The following MGA variants were observed in gnomAD, a reference collection of about 807,000 sequenced individuals.
The protein encoded by MGA is MAX dimerization protein MGA, also known as MAX gene-associated protein.
Under a neutral mutation model 261.1 loss-of-function variants are expected in MGA, and 40 were observed. That is an observed-to-expected ratio of 0.15 (90% CI 0.12 to 0.20). The LOEUF is 0.20. MGA is among the 10% of genes least tolerant of loss of function. The pLI is 1.00. For missense variants in MGA, 3,397 were observed against 3,630.5 expected (o/e 0.94, Z 1.65); for synonymous variants, 1,302 against 1,290.6 (o/e 1.01, Z -0.19).
At chr15:41,754,605 T>C in intron 18 of MGA, 38 bp downstream of exon 18, 1 of 1,504,252 alleles carries the variant, frequency 6.6e-7, no homozygotes, top group Non-Finnish European at 8.9e-7. Flanking sequence ...GTTTTTGTAG[T>C]TTTGTAACCA....
intron 1 of MGA, among the ~76,000 whole-genome samples, chr15:41,633,661 G>A (rs1032666425): frequency 1.3e-5 from 2 of 151,932 alleles, no homozygotes; most frequent in Non-Finnish European, 2.9e-5. Context: ...GAAATCAAGT[G>A]ATCCACCCAC....
intron 19 of MGA, 57 bp downstream of exon 19, chr15:41,757,896 C>A: frequency 6.9e-7 from 1 of 1,450,732 alleles, no homozygotes; most frequent in Non-Finnish European, 9.6e-7. Flanking sequence ...TAACATTTAT[C>A]TTAGGGTTGA....
intron 1 of MGA, among the ~76,000 whole-genome samples, chr15:41,662,951 T>C (rs567601755): frequency 6.6e-5 from 10 of 152,354 alleles, no homozygotes; most frequent in African/African-American, 2.2e-4. Flanking sequence ...TTTTAAATAA[T>C]GGTATTGACT....
At chr15:41,692,758 C>G (rs2059351141) in intron 2 of MGA, among the ~76,000 whole-genome samples, 1 of 152,170 alleles carries the variant, frequency 6.6e-6, no homozygotes, top group Non-Finnish European at 1.5e-5. Flanking sequence ...GTCACCCAGG[C>G]TGGAGTGCAG....
At chr15:41,638,069 G>A (rs1353552002) in intron 1 of MGA, among the ~76,000 whole-genome samples, 2 of 98,780 alleles carry the variant, frequency 2.0e-5, no homozygotes, top group African/African-American at 8.2e-5. Flanking sequence ...TTGGGACACA[G>A]TCTTGCTCTG....
Position 41,742,914 on chromosome 15 carries a change from A to G in MGA, c.4954A>G (p.Thr1652Ala), listed in dbSNP as rs776653954. 3 of 1,613,974 alleles carry G rather than the reference A, an allele frequency of 1.9e-6. No homozygotes were observed. In the Admixed American group the frequency reaches 5.0e-5, roughly 27 times the overall value. ...TAATACCAGCACCTCTGTAACATCT[A>G]CCCAGTCTACAGCCACTGTGAACCT... Residue 1652 changes from threonine to alanine, a missense_variant, in exon 15 of 24, where the codon ACC becomes GCC. Around this residue, in one of 9 missense-constraint regions of MGA, gnomAD observed 1,410 missense variants for 1,386.4 expected, o/e 1.02. Transcript: ENST00000219905.
At chr15:41,737,316 T>G (rs2151803576) in intron 13 of MGA, among the ~76,000 whole-genome samples, 1 of 151,752 alleles carries the variant, frequency 6.6e-6, no homozygotes, top group East Asian at 1.9e-4. Context: ...GTGTTTTTTT[T>G]TGTTTTTGTT....
rs750164645 is a variant in MGA at position 41,696,060 on chromosome 15, CCTCT to C, written c.1065-7_1065-4del. The C allele has an allele frequency of 2.6e-6, 4 of 1,536,562 alleles. No individual in the cohort carries two copies. Among genetic ancestry groups the C allele is most frequent in the Non-Finnish European group, 2.7e-6 (3 of 1,130,714 alleles). ...TTTTGTACTTTTAAAATCCCTTTCTCCTCTCTCTCTCCAGTCTTATTGCCAGCAG... is the reference window on the plus strand; with the variant it reads ...TTTTGTACTTTTAAAATCCCTTTCTCCTCTCTCCAGTCTTATTGCCAGCAG... On this transcript the variant is annotated splice_polypyrimidine_tract_variant and intron_variant, in intron 2 of 23. Coordinates refer to ENST00000219905, the MANE Select transcript of MGA (RefSeq NM_001164273.2).
intron 18 of MGA, among the ~76,000 whole-genome samples, chr15:41,756,783 G>A (rs765353033): frequency 3.9e-5 from 6 of 151,956 alleles, no homozygotes; most frequent in Non-Finnish European, 7.4e-5. Context: ...TTGTAGAGAC[G>A]GAGTCTTGCT....
intron 13 of MGA, among the ~76,000 whole-genome samples, chr15:41,739,440 TTA>T (rs954550628): frequency 7.9e-5 from 12 of 152,246 alleles, no homozygotes; most frequent in African/African-American, 2.7e-4. Context: ...TAGATTTCAC[TTA>T]TATTTTTCAA....
At chr15:41,626,598 T>G (rs1016890335) in intron 1 of MGA, among the ~76,000 whole-genome samples, 1 of 152,022 alleles carries the variant, frequency 6.6e-6, no homozygotes, top group African/African-American at 2.4e-5. Context: ...AATTTTTGTA[T>G]TTTTAGTAGA....
intron 1 of MGA, among the ~76,000 whole-genome samples, chr15:41,639,631 G>A (rs1459874410): frequency 6.6e-6 from 1 of 151,724 alleles, no homozygotes; most frequent in Admixed American, 6.6e-5. Context: ...TGCAAGCACC[G>A]TCTCCTAGGT....
chr15:41,748,712 T>G lies in MGA; in HGVS notation c.5288T>G (p.Leu1763Trp), dbSNP rs2062655528. 2 of 1,613,892 alleles carry G rather than the reference T, an allele frequency of 1.2e-6. No individual in the cohort carries two copies. The highest frequency in any genetic ancestry group is 1.7e-5 in the Admixed American group (1 of 59,996). The change falls in exon 16 of 24, where the codon TTG (leucine) becomes TGG (tryptophan). Residue 1763 changes from leucine (L) to tryptophan (W), a missense_variant. By Grantham distance (61) the Leu-to-Trp change is moderately conservative (BLOSUM62 -2). Transcript: ENST00000219905. ...GTGAAACGTGCTGGACCTCGATTGTTGTTGATTCCAGTGCAGCAGGGTTCT... is the reference window on the plus strand; with the variant it reads ...GTGAAACGTGCTGGACCTCGATTGTGGTTGATTCCAGTGCAGCAGGGTTCT...
rs775303886 is a variant in MGA, at chr15:41,767,308, G to C, written c.*28G>C. 6.4e-7 allele frequency: 1 copy of C among 1,571,168 alleles called. No individual in the cohort carries two copies. On this transcript the variant is annotated 3_prime_UTR_variant, in exon 24 of 24. Transcript: ENST00000219905. ...TTACTTGTCCTTAAGCAGAAGCCAG[G>C]CTGTGAGGGGAAATAGATCTCACCT...
At position 41,696,242 on chromosome 15, in the gene MGA, C is replaced by T. The variant is rs781303112; in HGVS notation, c.1232C>T (p.Thr411Met). ...AAACAGGAAGAGACAGATGAAGAGA[C>T]GGATGTATACTCAAACAGTGATGAT... Residue 411 changes from threonine (T) to methionine (M), a missense_variant, in exon 3 of 24, where the codon ACG becomes ATG. Around this residue, in one of 9 missense-constraint regions of MGA, gnomAD observed 563 missense variants for 563.6 expected, o/e 1.00. Coordinates refer to ENST00000219905, the MANE Select transcript of MGA (RefSeq NM_001164273.2). 22 of 1,613,774 alleles carry T rather than the reference C, an allele frequency of 1.4e-5. No individual in the cohort carries two copies. The highest frequency in any genetic ancestry group is 3.3e-5 in the South Asian group (3 of 91,092).
chr15:41,640,042 G>T (rs1460893870), intron 1 of MGA, among the ~76,000 whole-genome samples: 1 of 152,080 alleles, frequency 6.6e-6, no homozygotes, highest in Non-Finnish European at 1.5e-5. Context: ...TGGTTTAGAG[G>T]AAGGCCAGTG....
At chr15:41,736,125 C>G in intron 12 of MGA, 56 bp from the exon 13 acceptor site, 2 of 1,348,304 alleles carry the variant, frequency 1.5e-6, no homozygotes, top group Non-Finnish European at 2.0e-6. Context: ...ATACAAAATG[C>G]TGTGATGCAG....
chr15:41,632,135 A>G (rs2056601956), intron 1 of MGA, among the ~76,000 whole-genome samples: 1 of 152,200 alleles, frequency 6.6e-6, no homozygotes, highest in Non-Finnish European at 1.5e-5. Flanking sequence ...TATCCATGAT[A>G]CATGTGTGTA....
At chr15:41,729,933 C>T (rs1000482440) in intron 11 of MGA, among the ~76,000 whole-genome samples, 6 of 151,874 alleles carry the variant, frequency 4.0e-5, no homozygotes, top group African/African-American at 1.5e-4. Context: ...GCTCTTGTTG[C>T]CCAGGCTGGA....
Sources: allele counts gnomAD v4.1 joint callset (sites outside exome capture counted in the v4.1 genomes callset), GRCh38; gene constraint gnomAD v4.1.1; regional missense constraint gnomAD v4.1.1; transcripts MANE v1.5; gene names NCBI Gene and HGNC (gene_info 2026-07-23, HGNC 2026-07-21).